The following AGAP1 variants were observed in gnomAD, a reference collection of about 807,000 sequenced individuals.
AGAP1 encodes ArfGAP with GTPase domain, ankyrin repeat and PH domain 1.
In AGAP1, 29 loss-of-function variants were observed where a neutral mutation model predicts 105.3. The observed-to-expected ratio is 0.28, with a 90% confidence interval of 0.21 to 0.38. The LOEUF is 0.38. Ranked by LOEUF, AGAP1 falls within the 10% of genes least tolerant of loss-of-function variation. AGAP1 has a pLI of 1.00. For missense variants in AGAP1, 998 were observed against 1,165.1 expected (o/e 0.86, Z 2.09); for synonymous variants, 509 against 485.9 (o/e 1.05, Z -0.63).
At chr2:235,654,253 G>T (rs1001132451) in intron 1 of AGAP1, among the ~76,000 whole-genome samples, 60 of 152,296 alleles carry the variant, frequency 3.9e-4, no homozygotes, top group African/African-American at 1.4e-3. Flanking sequence ...TGTAGCGTGG[G>T]TGTTTGTGTT....
At position 235,801,727 on chromosome 2, in the gene AGAP1, G is replaced by A. The variant is rs1017701140; in HGVS notation, c.957+2205G>A. 8.5e-5 allele frequency among the ~76,000 whole-genome samples: 13 copies of A among 152,170 alleles called. No individual in the cohort carries two copies. Among genetic ancestry groups the A allele is most frequent in the Non-Finnish European group, 1.8e-4 (12 of 68,034 alleles). On this transcript the variant is annotated intron_variant, in intron 8 of 17. Transcript: ENST00000304032. The surrounding 1 kb of genome is among the most constrained non-coding windows in gnomAD (Gnocchi z 6.0). ...CTGTGGGCAGGCGGCCTGTGCCCCG[G>A]GAGGAGGGGCGGGCTTGTCATCGTG...
At position 235,940,842 on chromosome 2, in the gene AGAP1, C is replaced by A. The variant is rs565886005; in HGVS notation, c.1483+9919C>A. 3.9e-5 allele frequency among the ~76,000 whole-genome samples: 6 copies of A among 152,274 alleles called. No individual in the cohort carries two copies. The South Asian group carries it at 1.0e-3, about 26-fold the overall frequency. ...GTCTTGTCTGTCTCCACTTTCTTGA[C>A]TACCTGGAGCTGTGTCCATCCCATC... On this transcript the variant is annotated intron_variant, in intron 12 of 17. Transcript: ENST00000304032.
In AGAP1 at chr2:236,056,980, G is replaced by A. The variant is rs1467711187; in HGVS notation, c.2114+7699G>A. ...GTCAGTTTCTATCTCAGTAGCCATCGTGTGTCAAACTTACTAAATGAGTAG... is the reference window on the plus strand; with the variant it reads ...GTCAGTTTCTATCTCAGTAGCCATCATGTGTCAAACTTACTAAATGAGTAG... On this transcript the variant is annotated intron_variant, in intron 16 of 17. Coordinates refer to ENST00000304032, the MANE Select transcript of AGAP1 (RefSeq NM_001037131.3). The surrounding 1 kb of genome is among the most constrained non-coding windows in gnomAD (Gnocchi z 4.6). Among the ~76,000 whole-genome samples the A allele has an allele frequency of 2.6e-5, 4 of 152,220 alleles. No homozygotes were observed. Among genetic ancestry groups the A allele is most frequent in the East Asian group, 1.9e-4 (1 of 5,202 alleles).
In AGAP1 at chr2:235,659,328, A is replaced by G. The variant is rs1947875274; in HGVS notation, c.164-49851A>G. ...CTGTGGCACTTTGGGGGTAGAATGG[A>G]TGAACTGAATTAACGTCTGAAGTGC... On this transcript the variant is annotated intron_variant, in intron 1 of 17. Transcript: ENST00000304032. This position sits in a 1 kb window ranked among gnomAD's most constrained non-coding sequence, Gnocchi z 5.0. Among the ~76,000 whole-genome samples the G allele has an allele frequency of 6.6e-6, 1 of 152,208 alleles. No homozygotes were observed. Among genetic ancestry groups the G allele is most frequent in the African/African-American group, 2.4e-5 (1 of 41,448 alleles).
chr2:235,870,935 C>G (rs867044719), intron 9 of AGAP1, among the ~76,000 whole-genome samples: 1 of 152,206 alleles, frequency 6.6e-6, no homozygotes, highest in Admixed American at 6.5e-5. Context: ...GGTATAATTC[C>G]TTTAAAAATC....
intron 1 of AGAP1, among the ~76,000 whole-genome samples, chr2:235,677,029 C>T (rs763849433): frequency 3.3e-5 from 5 of 152,114 alleles, no homozygotes; most frequent in Non-Finnish European, 5.9e-5. Flanking sequence ...AATTAGAATC[C>T]GCTGTGGTGT....
chr2:236,019,232 C>T (rs1473578088), intron 13 of AGAP1, among the ~76,000 whole-genome samples: 3 of 152,170 alleles, frequency 2.0e-5, no homozygotes, highest in Non-Finnish European at 2.9e-5. Flanking sequence ...TGCTGGGATG[C>T]GCCATTGCCT....
intron 14 of AGAP1, among the ~76,000 whole-genome samples, chr2:236,039,275 G>A (rs2057476500): frequency 6.6e-6 from 1 of 151,960 alleles, no homozygotes; most frequent in African/African-American, 2.4e-5. Flanking sequence ...GGAGACCATT[G>A]TCTCTACAAA....
chr2:235,698,609 C>G (rs1458639964), intron 1 of AGAP1, among the ~76,000 whole-genome samples: 1 of 152,116 alleles, frequency 6.6e-6, no homozygotes, highest in African/African-American at 2.4e-5. Flanking sequence ...CAAAATTCTA[C>G]GTCTTATATG....
At chr2:235,835,456 T>C (rs116173550) in intron 9 of AGAP1, among the ~76,000 whole-genome samples, 63 of 152,372 alleles carry the variant, frequency 4.1e-4, no homozygotes, top group African/African-American at 1.5e-3. Context: ...TGTAAACTTG[T>C]CATCTTTTCA....
Position 236,040,326 on chromosome 2 carries a change from A to G in AGAP1, c.1801-425A>G, listed in dbSNP as rs1402616307. Among the ~76,000 whole-genome samples the G allele has an allele frequency of 6.6e-6, 1 of 152,076 alleles. No individual in the cohort carries two copies. Among genetic ancestry groups the G allele is most frequent in the African/African-American group, 2.4e-5 (1 of 41,408 alleles). ...GTTTTCTGACAAGGAACCATGAGAT[A>G]TGTCTTACATTGCTGATGAAGCCCT... is the stretch of plus-strand genomic sequence containing the variant. On this transcript the variant is annotated intron_variant, in intron 14 of 17. Transcript: ENST00000304032. This position sits in a 1 kb window ranked among gnomAD's most constrained non-coding sequence, Gnocchi z 5.6.
rs1325219302 is a variant in AGAP1 at position 235,636,140 on chromosome 2, TA to T, written c.164-73036del. The stretch of plus-strand genomic sequence containing the variant: ...GTAAATAAATAAATAAATAAATAAA[TA>T]AATAAATAAATAAAGTCTCATCTTA... On this transcript the variant is annotated intron_variant, in intron 1 of 17. Coordinates refer to ENST00000304032, the MANE Select transcript of AGAP1 (RefSeq NM_001037131.3). Among the ~76,000 whole-genome samples, 12 of 151,122 alleles carry T rather than the reference TA, an allele frequency of 7.9e-5. No individual in the cohort carries two copies. In the East Asian group the frequency reaches 2.3e-3, roughly 29 times the overall value.
intron 9 of AGAP1, among the ~76,000 whole-genome samples, chr2:235,832,478 C>G (rs1054763274): frequency 1.3e-5 from 2 of 152,162 alleles, no homozygotes; most frequent in African/African-American, 4.8e-5. Context: ...TCAACTCTTC[C>G]GATGAGATAA....
At chr2:235,839,089 G>T (rs1375843662) in intron 9 of AGAP1, among the ~76,000 whole-genome samples, 1 of 152,224 alleles carries the variant, frequency 6.6e-6, no homozygotes, top group Admixed American at 6.5e-5. Flanking sequence ...CGAGGTCTGA[G>T]CATCAGAATC....
chr2:235,500,633 C>T (rs765033657), intron 1 of AGAP1, among the ~76,000 whole-genome samples: 3 of 152,220 alleles, frequency 2.0e-5, no homozygotes, highest in Non-Finnish European at 2.9e-5. Context: ...TGTGGTCACG[C>T]AGGCTAAGTG....
intron 1 of AGAP1, among the ~76,000 whole-genome samples, chr2:235,533,365 T>C (rs147526862): frequency 6.6e-6 from 1 of 152,324 alleles, no homozygotes; most frequent in African/African-American, 2.4e-5. Context: ...GTAAGAAAGC[T>C]TAATGACTAA....
At position 236,125,518 on chromosome 2, in the gene AGAP1, G is replaced by T. The variant is rs952442107; in HGVS notation, c.*1396G>T. 6.6e-6 allele frequency: 1 copy of T among 152,204 alleles called. No homozygotes were observed. Among genetic ancestry groups the T allele is most frequent in the African/African-American group, 2.4e-5 (1 of 41,444 alleles). 9.4% of individuals were successfully genotyped at this position (152,204 alleles called of 1,614,324 possible). On this transcript the variant is annotated 3_prime_UTR_variant, in exon 18 of 18. Coordinates refer to ENST00000304032, the MANE Select transcript of AGAP1 (RefSeq NM_001037131.3). This position sits in a 1 kb window ranked among gnomAD's most constrained non-coding sequence, Gnocchi z 5.2. ...GAGTATATTAGAAAGGAAAAAGAAG[G>T]AATGTGGTCTCTCATGATTGAAAGC...
Position 235,621,905 on chromosome 2 carries a change from C to T in AGAP1, c.164-87274C>T, listed in dbSNP as rs1946494341. On this transcript the variant is annotated intron_variant, in intron 1 of 17. Coordinates refer to ENST00000304032, the MANE Select transcript of AGAP1 (RefSeq NM_001037131.3). This position sits in a 1 kb window ranked among gnomAD's most constrained non-coding sequence, Gnocchi z 4.1. ...TCGGAAGGGAGTGCCGCGCAGACCCCCCCACCCCCTCAGAACAGCGGCCAC... is the reference window on the plus strand; with the variant it reads ...TCGGAAGGGAGTGCCGCGCAGACCCTCCCACCCCCTCAGAACAGCGGCCAC... Among the ~76,000 whole-genome samples, 1 of 151,836 alleles carries T rather than the reference C, an allele frequency of 6.6e-6. No individual in the cohort carries two copies. The highest frequency in any genetic ancestry group is 2.4e-5 in the African/African-American group (1 of 41,344).
intron 6 of AGAP1, among the ~76,000 whole-genome samples, chr2:235,756,738 TTCTC>T (rs1291609140): frequency 1.5e-4 from 23 of 152,336 alleles, no homozygotes; most frequent in Admixed American, 2.6e-4. Context: ...CAGCCTTAGA[TTCTC>T]CTAGGAGCAC....
Sources: allele counts gnomAD v4.1 joint callset (sites outside exome capture counted in the v4.1 genomes callset), GRCh38; gene constraint gnomAD v4.1.1; non-coding constraint Gnocchi (gnomAD v3.1); transcripts MANE v1.5; gene names NCBI Gene and HGNC (gene_info 2026-07-23, HGNC 2026-07-21).